The following SON variants were observed in gnomAD, a reference collection of about 807,000 sequenced individuals.
SON encodes SON DNA and RNA binding protein, also known as protein SON.
In SON, 4 loss-of-function variants were observed where a neutral mutation model predicts 173.3. That is an observed-to-expected ratio of 0.02 (90% CI 0.01 to 0.05). The LOEUF is 0.05. SON is among the 10% of genes least tolerant of loss of function. The pLI is 1.00. For synonymous variants in SON, 1,190 were observed against 1,105.9 expected, an observed-to-expected ratio of 1.08 and a Z score of -1.51; for missense variants, 2,626 against 3,055.3, an observed-to-expected ratio of 0.86 and a Z score of 3.31.
chr21:33,558,959 C>CT (rs71194851), intron 4 of SON: 4,107 of 118,848 alleles, frequency 0.035, 135 homozygotes, highest in Non-Finnish European at 0.04. Context: ...ATGTCTTCTA[C>CT]TTTTTTTTTT....
In SON at chr21:33,554,714, G is replaced by A. The variant is rs1363870144; in HGVS notation, c.5483G>A (p.Arg1828His). 3.7e-6 allele frequency: 6 copies of A among 1,613,856 alleles called. No homozygotes were observed. Among genetic ancestry groups the A allele is most frequent in the Non-Finnish European group, 4.2e-6 (5 of 1,180,008 alleles). Residue 1828 changes from arginine to histidine, a missense_variant, in exon 3 of 12, where the codon CGT becomes CAT. By Grantham distance (29) the Arg-to-His change is conservative. Transcript: ENST00000356577. Reference sequence around the variant, plus strand: ...TCTTCATTAAGATCTCGAAGTAAGCGTTCCAAATCTTCTGAACACAAATCA... The same window carrying A: ...TCTTCATTAAGATCTCGAAGTAAGCATTCCAAATCTTCTGAACACAAATCA... ...RDSSLRSRSK[R>H]SKSSEHKSRK...
intron 1 of SON, among the ~76,000 whole-genome samples, chr21:33,545,218 A>G (rs1262397424): frequency 1.3e-5 from 2 of 152,200 alleles, no homozygotes; most frequent in Non-Finnish European, 2.9e-5. Context: ...GAGTTTTGTT[A>G]GGATTAAATG....
chr21:33,564,263 G>A (rs185039727), intron 6 of SON, among the ~76,000 whole-genome samples: 5 of 152,140 alleles, frequency 3.3e-5, no homozygotes, highest in Non-Finnish European at 7.4e-5. Flanking sequence ...GAAAAATCAG[G>A]TTTTTAATCA....
In SON at chr21:33,543,068, G is replaced by A. The variant is rs781099033; in HGVS notation, c.-25G>A. ...GGGAGCCTGGAGGACTAGCGAGGAG[G>A]AGTTGAGAGAACGGAGCGGACGCCA... On this transcript the variant is annotated 5_prime_UTR_variant, in exon 1 of 12. Coordinates refer to ENST00000356577, the MANE Select transcript of SON (RefSeq NM_138927.4). 3 of 1,611,254 alleles carry A rather than the reference G, an allele frequency of 1.9e-6. No homozygotes were observed. Among genetic ancestry groups the A allele is most frequent in the East Asian group, 4.5e-5 (2 of 44,864 alleles).
chr21:33,544,525 T>C (rs961480753), intron 1 of SON, among the ~76,000 whole-genome samples: 1 of 151,492 alleles, frequency 6.6e-6, no homozygotes, highest in Non-Finnish European at 1.5e-5. Context: ...ACGTTATTGA[T>C]ATTCTCATGT....
At chr21:33,568,265 G>A (rs1353944621) in intron 7 of SON, among the ~76,000 whole-genome samples, 1 of 152,244 alleles carries the variant, frequency 6.6e-6, no homozygotes, top group Admixed American at 6.5e-5. Flanking sequence ...GGCCGAGGCG[G>A]GCGGATCAGT....
chr21:33,558,503 A>G (rs1601279105), intron 4 of SON: 1 of 152,210 alleles, frequency 6.6e-6, no homozygotes, highest in African/African-American at 2.4e-5. Context: ...ACTTAGATTT[A>G]TTACAATATG....
Position 33,552,821 on chromosome 21 carries a change from C to G in SON, c.3590C>G (p.Thr1197Arg). Reference protein sequence around the residue: ...SALTAENTWPTEVPSSPSEES... With the variant: ...SALTAENTWPREVPSSPSEES... ...TTAACAGCTGAAAATACTTGGCCTA[C>G]AGAGGTGCCATCATCACCATCTGAA... The change falls in exon 3 of 12, where the codon ACA (threonine) becomes AGA (arginine). Residue 1197 changes from threonine (T) to arginine (R), a missense_variant. Physicochemically the swap from Thr to Arg is moderately conservative, Grantham distance 71. Around this residue, in one of 13 missense-constraint regions of SON, gnomAD observed 1,006 missense variants for 895.6 expected, o/e 1.12. Coordinates refer to ENST00000356577, the MANE Select transcript of SON (RefSeq NM_138927.4). The surrounding 1 kb of genome is among the most constrained non-coding windows in gnomAD (Gnocchi z 5.6). The G allele has an allele frequency of 1.9e-6, 3 of 1,613,792 alleles. No homozygotes were observed. The highest frequency in any genetic ancestry group is 2.5e-6 in the Non-Finnish European group (3 of 1,179,816).
rs1269660668 is a variant in SON, at chr21:33,564,598, C to T, written c.6658-2559C>T. On this transcript the variant is annotated intron_variant, in intron 6 of 11. Coordinates refer to ENST00000356577, the MANE Select transcript of SON (RefSeq NM_138927.4). ...AAATATGGCCAGGCACAGTGGCTCACGCCTGTAATCCCAGAAATTTGGGAG... is the reference window on the plus strand; with the variant it reads ...AAATATGGCCAGGCACAGTGGCTCATGCCTGTAATCCCAGAAATTTGGGAG... 3.9e-5 allele frequency among the ~76,000 whole-genome samples: 6 copies of T among 152,294 alleles called. No homozygotes were observed. The East Asian group carries it at 9.6e-4, about 24-fold the overall frequency.
intron 6 of SON, among the ~76,000 whole-genome samples, chr21:33,562,734 CAATG>C (rs1344728812): frequency 2.6e-5 from 4 of 152,190 alleles, no homozygotes; most frequent in African/African-American, 7.2e-5. Flanking sequence ...GATTTATAAA[CAATG>C]AAATAAAATG....
At chr21:33,547,754 G>A (rs566443917) in intron 2 of SON, among the ~76,000 whole-genome samples, 18 of 115,212 alleles carry the variant, frequency 1.6e-4, no homozygotes, top group Admixed American at 2.6e-4. Context: ...TCGCTCTGAC[G>A]CCCAGGCTGG....
At position 33,554,501 on chromosome 21, in the gene SON, T is replaced by G; in HGVS notation, c.5270T>G (p.Leu1757Arg). The G allele has an allele frequency of 6.2e-7, 1 of 1,614,128 alleles. No homozygotes were observed. Among genetic ancestry groups the G allele is most frequent in the Non-Finnish European group, 8.5e-7 (1 of 1,180,026 alleles). The change falls in exon 3 of 12, where the codon CTT (leucine) becomes CGT (arginine). Residue 1757 changes from leucine (L) to arginine (R), a missense_variant. This residue lies in a region of SON where 1,006 missense variants were observed against 895.6 expected (regional missense o/e 1.12). Transcript: ENST00000356577. ...SLRAGIEGPL[L>R]ASDVGRDRSA... ...AGAGCTGGCATTGAAGGACCTTTAC[T>G]TGCAAGTGATGTTGGACGTGACAGA... is the stretch of plus-strand genomic sequence containing the variant.
At chr21:33,567,930 T>G (rs2086206167) in intron 7 of SON, among the ~76,000 whole-genome samples, 1 of 151,866 alleles carries the variant, frequency 6.6e-6, no homozygotes, top group African/African-American at 2.4e-5. Context: ...AAAGAGTGAT[T>G]AAGTGATATC....
intron 1 of SON, among the ~76,000 whole-genome samples, chr21:33,545,486 A>C (rs1488002822): frequency 6.6e-6 from 1 of 152,242 alleles, no homozygotes; most frequent in Non-Finnish European, 1.5e-5. Flanking sequence ...GCAAATTCAC[A>C]CAAAAATAGT....
At chr21:33,544,702 T>G (rs2145798068) in intron 1 of SON, among the ~76,000 whole-genome samples, 1 of 152,340 alleles carries the variant, frequency 6.6e-6, no homozygotes, top group African/African-American at 2.4e-5. Context: ...CTGTTGCATA[T>G]TTAGGTGGTT....
At chr21:33,561,837 T>A (rs942640745) in intron 6 of SON, among the ~76,000 whole-genome samples, 13 of 152,126 alleles carry the variant, frequency 8.5e-5, no homozygotes, top group East Asian at 5.8e-4. Flanking sequence ...GTTAAAAAAA[T>A]TTTTTTTCTT....
Position 33,553,766 on chromosome 21 carries a change from A to C in SON, c.4535A>C (p.Glu1512Ala), listed in dbSNP as rs762542644. ...MQEIALHSGEEPHAEEHLKGD... is the reference protein window; with the variant it reads ...MQEIALHSGEAPHAEEHLKGD... ...GAGATTGCATTGCATTCAGGTGAAG[A>C]ACCACATGCTGAGGAACACCTGAAA... is the stretch of plus-strand genomic sequence containing the variant. The change falls in exon 3 of 12, where the codon GAA becomes GCA. Residue 1512 changes from glutamate (E) to alanine (A), a missense_variant. By Grantham distance (107) the Glu-to-Ala change is moderately radical. Around this residue, in one of 13 missense-constraint regions of SON, gnomAD observed 1,006 missense variants for 895.6 expected, o/e 1.12. Transcript: ENST00000356577. 3 of 1,614,136 alleles carry C rather than the reference A, an allele frequency of 1.9e-6. No individual in the cohort carries two copies. The highest frequency in any genetic ancestry group is 2.2e-5 in the East Asian group (1 of 44,892).
chr21:33,562,716 G>A (rs2145857609), intron 6 of SON, among the ~76,000 whole-genome samples: 1 of 152,282 alleles, frequency 6.6e-6, no homozygotes, highest in East Asian at 1.9e-4. Flanking sequence ...CTGTATTTGT[G>A]TGAATTTGAT....
intron 6 of SON, among the ~76,000 whole-genome samples, chr21:33,561,487 T>C (rs2086069781): frequency 6.6e-6 from 1 of 152,204 alleles, no homozygotes; most frequent in African/African-American, 2.4e-5. Flanking sequence ...ACAAATATTT[T>C]CCACTGAAGA....
Sources: allele counts gnomAD v4.1 joint callset (sites outside exome capture counted in the v4.1 genomes callset), GRCh38; gene constraint gnomAD v4.1.1; regional missense constraint gnomAD v4.1.1; non-coding constraint Gnocchi (gnomAD v3.1); transcripts MANE v1.5; gene names NCBI Gene and HGNC (gene_info 2026-07-23, HGNC 2026-07-21).